Variants in ZMYM4 observed in about 807,000 individuals in gnomAD.
ZMYM4 encodes the protein zinc finger MYM-type containing 4, also known as zinc finger MYM-type protein 4.
In ZMYM4, 31 loss-of-function variants were observed where a neutral mutation model predicts 183.2. The ratio of observed to expected loss-of-function variants is 0.17; its 90% CI spans 0.13 to 0.23. The LOEUF is 0.23. ZMYM4 is among the 10% of genes least tolerant of loss of function. The pLI is 1.00. For synonymous variants in ZMYM4, 592 were observed against 631.2 expected, an observed-to-expected ratio of 0.94 and a Z score of 0.93; for missense variants, 1,273 against 1,840.3, an observed-to-expected ratio of 0.69 and a Z score of 5.64.
Position 35,390,078 on chromosome 1 carries a change from C to T in ZMYM4, c.2567C>T (p.Pro856Leu), listed in dbSNP as rs765577361. 6 of 1,613,030 alleles carry T rather than the reference C, an allele frequency of 3.7e-6. No homozygotes were observed. The Admixed American group carries it at 5.0e-5, about 13-fold the overall frequency. Reference sequence around the variant, plus strand: ...TGTAATCAGCAAAGTGTATGTGACCCGCCTTCACAAAATAATGCAGGTAAA... The same window carrying T: ...TGTAATCAGCAAAGTGTATGTGACCTGCCTTCACAAAATAATGCAGGTAAA... ...MFCNQQSVCD[P>L]PSQNNAANIS... is the part of the protein sequence containing the mutation. Residue 856 changes from proline to leucine, a missense_variant, in exon 15 of 30, where the codon CCG becomes CTG. By Grantham distance (98) the Pro-to-Leu change is moderately conservative. Transcript: ENST00000314607.
intron 1 of ZMYM4, among the ~76,000 whole-genome samples, chr1:35,285,473 A>G (rs548635083): frequency 6.6e-6 from 1 of 152,278 alleles, no homozygotes; most frequent in South Asian, 2.1e-4. Context: ...AGAACTCACT[A>G]CAGTCTGTCC....
At position 35,385,172 on chromosome 1, in the gene ZMYM4, G is replaced by T. The variant is rs111665978; in HGVS notation, c.1570-270G>T. Among the ~76,000 whole-genome samples the T allele has an allele frequency of 9.2e-5, 14 of 152,292 alleles. 2 individuals are homozygous for T. Among genetic ancestry groups the T allele is most frequent in the African/African-American group, 2.6e-4 (11 of 41,580 alleles). On this transcript the variant is annotated intron_variant, in intron 9 of 29. Transcript: ENST00000314607. ...ATTACTTTTTCAATGAAATAGAATAGATTGGAAAATATCAAAGTGCATTAC... is the reference window on the plus strand; with the variant it reads ...ATTACTTTTTCAATGAAATAGAATATATTGGAAAATATCAAAGTGCATTAC...
chr1:35,338,524 G>A (rs1160310752), intron 2 of ZMYM4, among the ~76,000 whole-genome samples: 5 of 152,132 alleles, frequency 3.3e-5, no homozygotes, highest in African/African-American at 1.2e-4. Flanking sequence ...GTAGGGGAAT[G>A]TCCTGGAACC....
At chr1:35,403,443 G>A (rs1330688418) in intron 23 of ZMYM4, among the ~76,000 whole-genome samples, 1 of 152,012 alleles carries the variant, frequency 6.6e-6, no homozygotes, top group Non-Finnish European at 1.5e-5. Context: ...CCACCACCAT[G>A]CCTGGGTAAT....
chr1:35,312,919 A>G (rs1300904777), intron 1 of ZMYM4, among the ~76,000 whole-genome samples: 1 of 152,094 alleles, frequency 6.6e-6, no homozygotes, highest in Non-Finnish European at 1.5e-5. Context: ...TTGGAGACGG[A>G]GTCTCGCTCT....
chr1:35,406,151 T>C (rs1251168614), intron 25 of ZMYM4, among the ~76,000 whole-genome samples: 2 of 152,208 alleles, frequency 1.3e-5, no homozygotes, highest in Non-Finnish European at 2.9e-5. Context: ...GGTGATTGTA[T>C]GCACTCTTGG....
rs868525407 is a variant in ZMYM4 at position 35,392,830 on chromosome 1, A to T, written c.2766+146A>T. The T allele has an allele frequency of 1.5e-4, 90 of 585,034 alleles. No homozygotes were observed. The South Asian group carries it at 2.6e-3, about 17-fold the overall frequency. 36.2% of individuals were successfully genotyped at this position (585,034 alleles called of 1,614,324 possible). A position where few individuals can be genotyped will look rare whatever the true frequency, so the allele number is the denominator to read the frequency against. ...CATTTAATCTTTGTTCAGGAATAGG[A>T]TTTTCTGGCTATTTAAATAGGTCTT... On this transcript the variant is annotated intron_variant, in intron 17 of 29. Transcript: ENST00000314607.
At chr1:35,338,407 G>A (rs1434230538) in intron 2 of ZMYM4, among the ~76,000 whole-genome samples, 1 of 152,184 alleles carries the variant, frequency 6.6e-6, no homozygotes, top group African/African-American at 2.4e-5. Context: ...AATGCAGTAT[G>A]TGAGGGATGT....
rs76820741 is a variant in ZMYM4, at chr1:35,291,021, G to A, written c.39+21936G>A. 3.2e-3 allele frequency among the ~76,000 whole-genome samples: 493 copies of A among 152,194 alleles called. 3 individuals are homozygous for A. The highest frequency in any genetic ancestry group is 0.011 in the African/African-American group (476 of 41,518). The stretch of plus-strand genomic sequence containing the variant: ...ATAGAGTAAAATTCATCCTTTCATT[G>A]TACAGTTCTGTAAGGTTTGACATAT... On this transcript the variant is annotated intron_variant, in intron 1 of 29. Coordinates refer to ENST00000314607, the MANE Select transcript of ZMYM4 (RefSeq NM_005095.3).
chr1:35,355,103 G>A (rs1446351564), intron 2 of ZMYM4, among the ~76,000 whole-genome samples: 4 of 151,420 alleles, frequency 2.6e-5, no homozygotes, highest in South Asian at 2.1e-4. Context: ...GCGCAATCTC[G>A]GCTCACTGCA....
chr1:35,286,847 C>G (rs1004851230), intron 1 of ZMYM4, among the ~76,000 whole-genome samples: 3 of 107,582 alleles, frequency 2.8e-5, no homozygotes, highest in African/African-American at 1.1e-4. Flanking sequence ...CCAGGCTGGT[C>G]TTGAACTCCT....
chr1:35,389,164 A>G lies in ZMYM4; in HGVS notation c.2436+82A>G. ...TAAAATTTCATGTCACATAAAGGAC[A>G]ATTTAATTATTTAAAACTTTTAAGT... is the stretch of plus-strand genomic sequence containing the variant. On this transcript the variant is annotated intron_variant, in intron 14 of 29. Coordinates refer to ENST00000314607, the MANE Select transcript of ZMYM4 (RefSeq NM_005095.3). The surrounding 1 kb of genome is among the most constrained non-coding windows in gnomAD (Gnocchi z 4.0). 7.2e-7 allele frequency: 1 copy of G among 1,385,200 alleles called. No individual in the cohort carries two copies. The highest frequency in any genetic ancestry group is 9.8e-7 in the Non-Finnish European group (1 of 1,024,638). The allele number at this position is 1,385,200 out of a possible 1,614,324, so 85.8% of individuals were successfully genotyped here.
chr1:35,409,832 C>T (rs1015134927), intron 26 of ZMYM4, among the ~76,000 whole-genome samples: 12 of 151,712 alleles, frequency 7.9e-5, no homozygotes, highest in Admixed American at 5.9e-4. Context: ...CCCAGCTACT[C>T]GGAAGGCTAA....
rs1570513836 is a variant in ZMYM4 at position 35,393,806 on chromosome 1, T to A, written c.2911+67T>A. 1.5e-5 allele frequency: 22 copies of A among 1,475,414 alleles called. No individual in the cohort carries two copies. The South Asian group carries it at 3.3e-4, about 22-fold the overall frequency. The allele number at this position is 1,475,414 out of a possible 1,614,324, so 91.4% of individuals were successfully genotyped here. On this transcript the variant is annotated intron_variant, in intron 18 of 29. Transcript: ENST00000314607. ...GAAAGAAATGTAGGATCTACTTACA[T>A]TGAGTACCTGCTATTTCCTAGGTGA...
At chr1:35,418,230 T>C (rs1472207686) in intron 28 of ZMYM4, among the ~76,000 whole-genome samples, 1 of 152,174 alleles carries the variant, frequency 6.6e-6, no homozygotes, top group African/African-American at 2.4e-5. Flanking sequence ...ATAAAATTCA[T>C]GGGATAGGGA....
intron 5 of ZMYM4, among the ~76,000 whole-genome samples, chr1:35,364,018 A>G (rs193236742): frequency 7.2e-5 from 11 of 152,368 alleles, no homozygotes; most frequent in Admixed American, 7.2e-4. Context: ...TGAGAAGGTT[A>G]TTAGTATTGT....
chr1:35,368,773 T>C (rs1379116130), intron 5 of ZMYM4, among the ~76,000 whole-genome samples: 1 of 152,152 alleles, frequency 6.6e-6, no homozygotes, highest in Non-Finnish European at 1.5e-5. Flanking sequence ...GTACTGAATA[T>C]GCGGAAACAT....
intron 2 of ZMYM4, among the ~76,000 whole-genome samples, chr1:35,326,282 A>G (rs1427850474): frequency 6.6e-6 from 1 of 152,228 alleles, no homozygotes; most frequent in Non-Finnish European, 1.5e-5. Context: ...ATTGAAATAA[A>G]TGTGAGCTAT....
chr1:35,414,358 T>A (rs1436614038), intron 27 of ZMYM4, among the ~76,000 whole-genome samples: 1 of 152,214 alleles, frequency 6.6e-6, no homozygotes, highest in East Asian at 1.9e-4. Flanking sequence ...GTAGCATTGG[T>A]GTAGCTTTCA....
Sources: gnomAD v4.1 joint callset for allele counts (sites outside exome capture counted in the v4.1 genomes callset) on GRCh38, gnomAD v4.1.1 for gene constraint, Gnocchi (gnomAD v3.1) non-coding constraint, MANE v1.5 for transcripts, NCBI Gene and HGNC (gene_info 2026-07-23, HGNC 2026-07-21) for gene names.